The following AJUBA variants were observed in gnomAD, a reference collection of about 807,000 sequenced individuals.
AJUBA encodes LIM domain-containing protein ajuba.
Under a neutral mutation model 53.3 loss-of-function variants are expected in AJUBA, and 20 were observed. The ratio of observed to expected loss-of-function variants is 0.38; its 90% CI spans 0.26 to 0.55. AJUBA has a LOEUF of 0.55. AJUBA is among the 20% of genes least tolerant of loss of function. AJUBA has a pLI of 0.80. For synonymous variants in AJUBA, 296 were observed against 306.2 expected (o/e 0.97, Z 0.35); for missense variants, 580 against 730.5 (o/e 0.79, Z 2.38).
rs970105176 is a variant in AJUBA, at chr14:22,973,370, TGGC to T, written c.*70_*72del. The T allele has an allele frequency of 2.0e-5, 31 of 1,549,910 alleles. No individual in the cohort carries two copies. Among genetic ancestry groups the T allele is most frequent in the Non-Finnish European group, 2.4e-5 (28 of 1,145,650 alleles). ...GGCCTGCAGAGTGCATTCTTTGCCTTGGCTGGCCTCAGAGGGGCCCACTGGCCA... is the reference window on the plus strand; with the variant it reads ...GGCCTGCAGAGTGCATTCTTTGCCTTTGGCCTCAGAGGGGCCCACTGGCCA... On this transcript the variant is annotated 3_prime_UTR_variant, in exon 8 of 8. Transcript: ENST00000262713.
intron 2 of AJUBA, 129 bp from the exon 3 acceptor site, chr14:22,976,841 C>G: frequency 6.9e-7 from 1 of 1,458,260 alleles, no homozygotes; most frequent in Non-Finnish European, 9.0e-7. Flanking sequence ...TAACTGCTGT[C>G]TGTCCTTCCC....
Position 22,981,297 on chromosome 14 carries a change from G to A in AJUBA, c.970C>T (p.Arg324Trp). ...GPFVPEAARA[R>W]MREPEAREDY... ...TCCCTGGCCTCTGGCTCCCGCATCC[G>A]GGCCCGGGCGGCCTCCGGAACGAAA... Residue 324 changes from arginine (R) to tryptophan (W), a missense_variant, in exon 1 of 8, where the codon CGG becomes TGG. Coordinates refer to ENST00000262713, the MANE Select transcript of AJUBA (RefSeq NM_032876.6). The A allele has an allele frequency of 6.2e-7, 1 of 1,611,204 alleles. No homozygotes were observed. Among genetic ancestry groups the A allele is most frequent in the Non-Finnish European group, 8.5e-7 (1 of 1,178,216 alleles).
chr14:22,981,000 G>A (rs2045084968), intron 1 of AJUBA, among the ~76,000 whole-genome samples: 1 of 152,212 alleles, frequency 6.6e-6, no homozygotes, highest in African/African-American at 2.4e-5. Flanking sequence ...GCAAAAAACC[G>A]AGGTTCAAAT....
intron 6 of AJUBA, 194 bp downstream of exon 6, chr14:22,974,645 A>C: frequency 1.7e-6 from 1 of 602,292 alleles, no homozygotes; most frequent in Non-Finnish European, 2.8e-6. Flanking sequence ...GGGCCCAGTT[A>C]GGCTTTCAGA....
At chr14:22,977,619 G>A (rs1056101661) in intron 2 of AJUBA, 1 of 152,346 alleles carries the variant, frequency 6.6e-6, no homozygotes, top group Admixed American at 6.5e-5. Context: ...TAGACAGACA[G>A]ATGAGCCTAA....
At position 22,981,808 on chromosome 14, in the gene AJUBA, T is replaced by G. The variant is rs1594568552; in HGVS notation, c.459A>C (p.Gly153=). ...LLDGAGAGGA[G]GSRPCSNRTS... is the part of the protein sequence containing the mutation. The stretch of plus-strand genomic sequence containing the variant: ...TGCGATTGCTGCAGGGCCGGCTACC[T>G]CCAGCTCCGCCAGCCCCCGCCCCGT... The change falls in exon 1 of 8, where the codon GGA becomes GGC. Residue 153 remains glycine, a synonymous_variant. Transcript: ENST00000262713. The G allele has an allele frequency of 6.5e-7, 1 of 1,533,590 alleles. No individual in the cohort carries two copies. The highest frequency in any genetic ancestry group is 8.7e-7 in the Non-Finnish European group (1 of 1,146,158). The allele number at this position is 1,533,590 out of a possible 1,614,324, so 95.0% of individuals were successfully genotyped here.
chr14:22,977,095 C>T, intron 2 of AJUBA: 1 of 1,050,410 alleles, frequency 9.5e-7, no homozygotes, highest in Non-Finnish European at 1.1e-6. Context: ...GAGAGAACCA[C>T]ATTGTTAACA....
Position 22,982,350 on chromosome 14 carries a change from G to C in AJUBA, c.-84C>G. 1 of 1,567,126 alleles carries C rather than the reference G, an allele frequency of 6.4e-7. No individual in the cohort carries two copies. Among genetic ancestry groups the C allele is most frequent in the Non-Finnish European group, 8.6e-7 (1 of 1,164,052 alleles). The stretch of plus-strand genomic sequence containing the variant: ...GGCCGGTTCTCTTTCCCTGCAGCCG[G>C]ACTCTGGTTCCCCAGGGGCACAGGG... On this transcript the variant is annotated 5_prime_UTR_variant, in exon 1 of 8. Transcript: ENST00000262713.
In AJUBA at chr14:22,981,748, G is replaced by C. The variant is rs761696802; in HGVS notation, c.519C>G (p.His173Gln). Residue 173 changes from histidine to glutamine, a missense_variant, in exon 1 of 8, where the codon CAC becomes CAG. Coordinates refer to ENST00000262713, the MANE Select transcript of AJUBA (RefSeq NM_032876.6). ...ACGGCCCCGCTGGCAAGGGGCTCCC[G>C]TGGCGCTGGTCGTAGCCCATGCTGA... ...SGISMGYDQR[H>Q]GSPLPAGPCL... The C allele has an allele frequency of 6.5e-7, 1 of 1,534,090 alleles. No homozygotes were observed. Among genetic ancestry groups the C allele is most frequent in the Non-Finnish European group, 8.7e-7 (1 of 1,145,580 alleles).
At chr14:22,975,431 TTTTG>T (rs1395191321) in intron 4 of AJUBA, 2 of 239,954 alleles carry the variant, frequency 8.3e-6, no homozygotes, top group Non-Finnish European at 1.6e-5. Flanking sequence ...TTTTGTTTTG[TTTTG>T]TTTTTTAGTT....
At position 22,979,771 on chromosome 14, in the gene AJUBA, A is replaced by G. The variant is rs2045070463; in HGVS notation, c.1007-1326T>C. Among the ~76,000 whole-genome samples, 1 of 152,184 alleles carries G rather than the reference A, an allele frequency of 6.6e-6. No individual in the cohort carries two copies. Among genetic ancestry groups the G allele is most frequent in the Non-Finnish European group, 1.5e-5 (1 of 68,034 alleles). On this transcript the variant is annotated intron_variant, in intron 1 of 7. Coordinates refer to ENST00000262713, the MANE Select transcript of AJUBA (RefSeq NM_032876.6). The surrounding 1 kb of genome is among the most constrained non-coding windows in gnomAD (Gnocchi z 4.0). ...GGCCTCACCTCCTCTAACCCAGCATATCTATACCTATGTTCTTCCTGCCAT... is the reference window on the plus strand; with the variant it reads ...GGCCTCACCTCCTCTAACCCAGCATGTCTATACCTATGTTCTTCCTGCCAT...
Position 22,981,999 on chromosome 14 carries a change from G to T in AJUBA, c.268C>A (p.Pro90Thr), listed in dbSNP as rs200436600. ...GCCCGGGTGGGCGGCGGCCCCGCGG[G>T]AAAAGAGCCTTCGTAGCGCGGCGCC... ...FEAPRYEGSFPAGPPPTRALP... is the reference protein window; with the variant it reads ...FEAPRYEGSFTAGPPPTRALP... Residue 90 changes from proline to threonine, a missense_variant, in exon 1 of 8, where the codon CCC becomes ACC. This residue lies in a region of AJUBA where 430 missense variants were observed against 471.5 expected (regional missense o/e 0.91). Coordinates refer to ENST00000262713, the MANE Select transcript of AJUBA (RefSeq NM_032876.6). 2 of 1,583,984 alleles carry T rather than the reference G, an allele frequency of 1.3e-6. No individual in the cohort carries two copies. Among genetic ancestry groups the T allele is most frequent in the African/African-American group, 1.4e-5 (1 of 73,156 alleles).
chr14:22,981,195 C>T lies in AJUBA; in HGVS notation c.1006+66G>A, dbSNP rs146981385. On this transcript the variant is annotated intron_variant, in intron 1 of 7. Transcript: ENST00000262713. ...CCGGGGCACCGGCACTTTGGGCCGT[C>T]GGGGCAGTGGAGAACCGAATACCGT... 10,147 of 1,505,606 alleles carry T rather than the reference C, an allele frequency of 6.7e-3. 52 individuals are homozygous for T. Among genetic ancestry groups the T allele is most frequent in the Non-Finnish European group, 8.1e-3 (9,128 of 1,125,676 alleles). 93.3% of individuals were successfully genotyped at this position (1,505,606 alleles called of 1,614,324 possible). A position where few individuals can be genotyped will look rare whatever the true frequency, so the allele number is the denominator to read the frequency against.
Position 22,981,987 on chromosome 14 carries a change from G to A in AJUBA, c.280C>T (p.Pro94Ser). Residue 94 changes from proline (P) to serine (S), a missense_variant, in exon 1 of 8, where the codon CCG (proline) becomes TCG (serine). Around this residue, in one of 2 missense-constraint regions of AJUBA, gnomAD observed 430 missense variants for 471.5 expected, o/e 0.91. Transcript: ENST00000262713. ...GGTAGAGGCAAGGCCCGGGTGGGCGGCGGCCCCGCGGGAAAAGAGCCTTCG... is the reference window on the plus strand; with the variant it reads ...GGTAGAGGCAAGGCCCGGGTGGGCGACGGCCCCGCGGGAAAAGAGCCTTCG... ...RYEGSFPAGP[P>S]PTRALPLPQS... is the part of the protein sequence containing the mutation. 6.3e-7 allele frequency: 1 copy of A among 1,578,028 alleles called. No homozygotes were observed. Among genetic ancestry groups the A allele is most frequent in the Non-Finnish European group, 8.6e-7 (1 of 1,167,866 alleles).
At chr14:22,981,135 G>A in intron 1 of AJUBA, 126 bp downstream of exon 1, 1 of 1,216,820 alleles carries the variant, frequency 8.2e-7, no homozygotes, top group Non-Finnish European at 1.1e-6. Context: ...CATCCCTCTT[G>A]CTTCTTTCCT....
Position 22,973,231 on chromosome 14 carries a change from G to C in AJUBA, c.*212C>G. 1.4e-6 allele frequency: 1 copy of C among 707,524 alleles called. No individual in the cohort carries two copies. Among genetic ancestry groups the C allele is most frequent in the East Asian group, 2.9e-5 (1 of 34,498 alleles). The allele number at this position is 707,524 out of a possible 1,614,324, so 43.8% of individuals were successfully genotyped here. On this transcript the variant is annotated 3_prime_UTR_variant, in exon 8 of 8. Transcript: ENST00000262713. ...GCTCAGACTGCACACATGGGAAAAA[G>C]GCCAGTCGCCCCCACCCTGGTAAAT...
Position 22,982,333 on chromosome 14 carries a change from C to G in AJUBA, c.-67G>C. ...CCCTGCGGCGTCTCGGCGGCCGGTT[C>G]TCTTTCCCTGCAGCCGGACTCTGGT... On this transcript the variant is annotated 5_prime_UTR_variant, in exon 1 of 8. Transcript: ENST00000262713. 6.3e-7 allele frequency: 1 copy of G among 1,584,720 alleles called. No homozygotes were observed. The highest frequency in any genetic ancestry group is 8.5e-7 in the Non-Finnish European group (1 of 1,170,296).
intron 7 of AJUBA, 113 bp downstream of exon 7, chr14:22,973,934 T>G (rs1277415847): frequency 4.1e-6 from 5 of 1,229,722 alleles, no homozygotes; most frequent in Non-Finnish European, 5.9e-6. Context: ...AATATCTTTC[T>G]GGTTTCCCAT....
In AJUBA at chr14:22,972,275, G is replaced by A. The variant is rs2044989857; in HGVS notation, c.*1168C>T. 6.6e-6 allele frequency: 1 copy of A among 152,336 alleles called. No homozygotes were observed. The highest frequency in any genetic ancestry group is 1.5e-5 in the Non-Finnish European group (1 of 68,036). The allele number at this position is 152,336 out of a possible 1,614,324, so 9.4% of individuals were successfully genotyped here. Reference sequence around the variant, plus strand: ...ATGCAATCCGGGACCCCTCTGAGAGGTGGCAAGTGAGCTTCTACTAGGAAA... The same window carrying A: ...ATGCAATCCGGGACCCCTCTGAGAGATGGCAAGTGAGCTTCTACTAGGAAA... On this transcript the variant is annotated 3_prime_UTR_variant, in exon 8 of 8. Transcript: ENST00000262713.
Sources: allele counts gnomAD v4.1 joint callset (sites outside exome capture counted in the v4.1 genomes callset), GRCh38; gene constraint gnomAD v4.1.1; regional missense constraint gnomAD v4.1.1; non-coding constraint Gnocchi (gnomAD v3.1); transcripts MANE v1.5; gene names NCBI Gene and HGNC (gene_info 2026-07-23, HGNC 2026-07-21).